PIK3CB: variants seen among roughly 807,000 people sequenced by gnomAD.
PIK3CB encodes phosphatidylinositol-4,5-bisphosphate 3-kinase catalytic subunit beta, also known as phosphatidylinositol 4,5-bisphosphate 3-kinase catalytic subunit beta isoform.
In PIK3CB, 39 loss-of-function variants were observed where a neutral mutation model predicts 136.8. That is an observed-to-expected ratio of 0.29 (90% CI 0.22 to 0.37). The LOEUF is 0.37. Among genes scored for constraint, PIK3CB ranks in the 10% least tolerant of loss-of-function variants. The pLI is 1.00. For synonymous variants in PIK3CB, 428 were observed against 436.6 expected (o/e 0.98, Z 0.25); for missense variants, 868 against 1,275.4 (o/e 0.68, Z 4.87).
At chr3:138,814,195 T>C (rs1337547266) in intron 1 of PIK3CB, among the ~76,000 whole-genome samples, 4 of 152,070 alleles carry the variant, frequency 2.6e-5, no homozygotes, top group Non-Finnish European at 4.4e-5. Flanking sequence ...AAGATTGAGT[T>C]GGGTGGGTGC....
intron 1 of PIK3CB, among the ~76,000 whole-genome samples, chr3:138,800,821 C>T (rs6810351): frequency 0.48 from 73,191 of 151,546 alleles, 20,422 homozygotes; most frequent in East Asian, 0.98. Flanking sequence ...GATGGGTTTT[C>T]GCCATGTTGG....
intron 4 of PIK3CB, among the ~76,000 whole-genome samples, chr3:138,749,731 G>A (rs2045431278): frequency 6.6e-6 from 1 of 152,178 alleles, no homozygotes; most frequent in Admixed American, 6.5e-5. Flanking sequence ...AATCAGCATT[G>A]ATGGCTCAGT....
intron 4 of PIK3CB, among the ~76,000 whole-genome samples, chr3:138,749,204 A>G (rs1267749270): frequency 6.6e-6 from 1 of 152,216 alleles, no homozygotes; most frequent in Admixed American, 6.5e-5. Context: ...AAGGGAAATA[A>G]GTACCCAATA....
intron 6 of PIK3CB, 134 bp from the exon 7 acceptor site, chr3:138,734,938 ATTAAAAAAAAAAAATT>A (rs1228914498): frequency 2.0e-6 from 1 of 501,680 alleles, no homozygotes; most frequent in African/African-American, 2.0e-5. Context: ...ATATCAAGAA[ATTAAAAAAAAAAAATT>A]TTTTTTTTTT....
intron 1 of PIK3CB, among the ~76,000 whole-genome samples, chr3:138,804,828 T>A (rs1208546028): frequency 1.3e-5 from 2 of 151,848 alleles, no homozygotes; most frequent in Non-Finnish European, 2.9e-5. Flanking sequence ...ATCAAGACCA[T>A]CCTGGCTAAC....
intron 21 of PIK3CB, among the ~76,000 whole-genome samples, chr3:138,662,200 T>C (rs539627537): frequency 6.6e-6 from 1 of 150,624 alleles, no homozygotes; most frequent in African/African-American, 2.4e-5. Context: ...CATGCTGGTG[T>C]GCTGTACCCA....
chr3:138,678,410 G>T (rs1471475584), intron 19 of PIK3CB, among the ~76,000 whole-genome samples: 5 of 151,768 alleles, frequency 3.3e-5, no homozygotes, highest in Non-Finnish European at 7.4e-5. Flanking sequence ...GTATTTTATA[G>T]AAAGGGAAAA....
At position 138,655,385 on chromosome 3, in the gene PIK3CB, A is replaced by T. The variant is rs2043173270; in HGVS notation, c.*4T>A. On this transcript the variant is annotated 3_prime_UTR_variant, in exon 24 of 24. Transcript: ENST00000674063. ...ACAAATACATTAGGAGCGAAGGCTG[A>T]TCGTTAAGATCTGTAGTCTTTCCGA... The T allele has an allele frequency of 6.2e-7, 1 of 1,613,848 alleles. No individual in the cohort carries two copies. The highest frequency in any genetic ancestry group is 1.7e-5 in the Admixed American group (1 of 59,970).
chr3:138,719,319 A>G (rs1280181988), intron 8 of PIK3CB, among the ~76,000 whole-genome samples: 1 of 137,342 alleles, frequency 7.3e-6, no homozygotes, highest in Non-Finnish European at 1.5e-5. Context: ...GATCTCAACT[A>G]ACTGCAACAT....
intron 2 of PIK3CB, among the ~76,000 whole-genome samples, chr3:138,771,173 T>C (rs1009771763): frequency 6.6e-6 from 1 of 151,800 alleles, no homozygotes; most frequent in Non-Finnish European, 1.5e-5. Flanking sequence ...TGGTGAAGTA[T>C]GCATTATAAT....
intron 1 of PIK3CB, among the ~76,000 whole-genome samples, chr3:138,828,696 T>G (rs1358388295): frequency 6.6e-6 from 1 of 152,160 alleles, no homozygotes; most frequent in Non-Finnish European, 1.5e-5. Flanking sequence ...AGTTCAAGGC[T>G]GTAGTGCCCT....
chr3:138,677,058 A>ATG (rs2043661414), intron 19 of PIK3CB, among the ~76,000 whole-genome samples: 1 of 143,578 alleles, frequency 7.0e-6, no homozygotes, highest in Non-Finnish European at 1.5e-5. Flanking sequence ...ATTATGCAAG[A>ATG]TTTTTTTTTT....
chr3:138,744,392 C>CAAAAAAAAAAAAAA (rs60503033), intron 4 of PIK3CB, among the ~76,000 whole-genome samples: 884 of 45,108 alleles, frequency 0.02, 408 homozygotes, highest in East Asian at 0.04. Context: ...GAGACTCCCC[C>CAAAAAAAAAAAAAA]AAAAAAAAAA....
At position 138,714,731 on chromosome 3, in the gene PIK3CB, C is replaced by G. The variant is rs779344941; in HGVS notation, c.1051-12G>C. ...GCCCTGACATGAACCTGTAACGAAG[C>G]AGACAAAAACAAAAACAAAGTCATG... is the stretch of plus-strand genomic sequence containing the variant. On this transcript the variant is annotated splice_polypyrimidine_tract_variant and intron_variant, in intron 8 of 23. Transcript: ENST00000674063. 1.7e-5 allele frequency: 26 copies of G among 1,563,984 alleles called. 1 individual carries two copies. In the South Asian group the frequency reaches 3.1e-4, roughly 19 times the overall value.
At chr3:138,761,897 G>A (rs1258596756) in intron 2 of PIK3CB, among the ~76,000 whole-genome samples, 5 of 149,110 alleles carry the variant, frequency 3.4e-5, no homozygotes, top group African/African-American at 4.9e-5. Context: ...CTGAGATCAC[G>A]CCACTGCACT....
rs567379199 is a variant in PIK3CB at position 138,655,304 on chromosome 3, C to G, written c.*85G>C. 1 of 1,348,260 alleles carries G rather than the reference C, an allele frequency of 7.4e-7. No individual in the cohort carries two copies. Among genetic ancestry groups the G allele is most frequent in the Admixed American group, 1.8e-5 (1 of 55,204 alleles). 83.5% of individuals were successfully genotyped at this position (1,348,260 alleles called of 1,614,324 possible). ...GGATTTCATTCCCTTTATAACATCT[C>G]TAACAGGGTCATGTTCAATTTAGTG... On this transcript the variant is annotated 3_prime_UTR_variant, in exon 24 of 24. Coordinates refer to ENST00000674063, the MANE Select transcript of PIK3CB (RefSeq NM_006219.3).
rs1321271662 is a variant in PIK3CB, at chr3:138,820,695, T to C, written c.-122+14000A>G. Among the ~76,000 whole-genome samples the C allele has an allele frequency of 3.3e-5, 5 of 151,834 alleles. No homozygotes were observed. In the East Asian group the frequency reaches 5.8e-4, roughly 18 times the overall value. Reference sequence around the variant, plus strand: ...TTTTATTAGAGACAGGGTTTCACCATGTTGGCCAGGCTAGTCTAGAACTAC... The same window carrying C: ...TTTTATTAGAGACAGGGTTTCACCACGTTGGCCAGGCTAGTCTAGAACTAC... On this transcript the variant is annotated intron_variant, in intron 1 of 23. Transcript: ENST00000674063.
chr3:138,803,367 T>C (rs1344190114), intron 1 of PIK3CB, among the ~76,000 whole-genome samples: 2 of 152,238 alleles, frequency 1.3e-5, no homozygotes, highest in African/African-American at 4.8e-5. Flanking sequence ...CATATTTTCC[T>C]GTCTTTATTT....
intron 2 of PIK3CB, among the ~76,000 whole-genome samples, chr3:138,765,472 C>T (rs1001125214): frequency 3.3e-5 from 5 of 151,998 alleles, no homozygotes; most frequent in Admixed American, 3.3e-4. Flanking sequence ...CAAGTGATAC[C>T]TTTATATGAA....
Sources: allele counts gnomAD v4.1 joint callset (sites outside exome capture counted in the v4.1 genomes callset), GRCh38; gene constraint gnomAD v4.1.1; transcripts MANE v1.5; gene names NCBI Gene and HGNC (gene_info 2026-07-23, HGNC 2026-07-21).